Variants in ITGAM observed in about 807,000 individuals in gnomAD.
The protein encoded by ITGAM is integrin subunit alpha M.
In ITGAM, 79 loss-of-function variants were observed where a neutral mutation model predicts 137.5. The observed-to-expected ratio is 0.57, with a 90% CI of 0.48 to 0.69. ITGAM has a LOEUF of 0.69. ITGAM is among the 30% of genes least tolerant of loss of function. The pLI, the probability that ITGAM is intolerant of heterozygous loss-of-function variation, is 0.00. For missense variants in ITGAM, 1,343 were observed against 1,483.5 expected, an observed-to-expected ratio of 0.91 and a Z score of 1.56; for synonymous variants, 583 against 592.3, an observed-to-expected ratio of 0.98 and a Z score of 0.23.
In ITGAM at chr16:31,273,512, C is replaced by G; in HGVS notation, c.852C>G (p.Val284=). Residue 284 remains valine, a synonymous_variant, in exon 8 of 30, where the codon GTC becomes GTG. Transcript: ENST00000544665. ...ACAGAGAGGGAGTCATTCGCTACGT[C>G]ATTGGGGTAGGGAATGCAGCTCTCA... The part of the protein sequence containing the change: ...EADREGVIRY[V]IGVGDAFRSE... 1 of 1,613,576 alleles carries G rather than the reference C, an allele frequency of 6.2e-7. No individual in the cohort carries two copies. The highest frequency in any genetic ancestry group is 8.5e-7 in the Non-Finnish European group (1 of 1,179,628).
At chr16:31,260,573 A>C (rs934132354) in intron 1 of ITGAM, among the ~76,000 whole-genome samples, 1 of 152,240 alleles carries the variant, frequency 6.6e-6, no homozygotes, top group Non-Finnish European at 1.5e-5. Flanking sequence ...AATTCTCCTC[A>C]AAAGGGAAGG....
At position 31,273,647 on chromosome 16, in the gene ITGAM, A is replaced by T. The variant is rs1424074497; in HGVS notation, c.858+129A>T. Reference sequence around the variant, plus strand: ...GCTAATGCTAGCTCATATACACCGTATCAGCTATCTGTTGCCACATCAATG... The same window carrying T: ...GCTAATGCTAGCTCATATACACCGTTTCAGCTATCTGTTGCCACATCAATG... On this transcript the variant is annotated intron_variant, in intron 8 of 29. Coordinates refer to ENST00000544665, the MANE Select transcript of ITGAM (RefSeq NM_000632.4). 3.5e-6 allele frequency: 3 copies of T among 847,912 alleles called. No individual in the cohort carries two copies. The African/African-American group carries it at 5.1e-5, about 14-fold the overall frequency. 52.5% of individuals were successfully genotyped at this position (847,912 alleles called of 1,614,324 possible).
intron 14 of ITGAM, among the ~76,000 whole-genome samples, chr16:31,312,235 T>C (rs2080341166): frequency 6.6e-6 from 1 of 151,696 alleles, no homozygotes; most frequent in Non-Finnish European, 1.5e-5. Context: ...TGTATACATA[T>C]GTAACAAACC....
intron 8 of ITGAM, among the ~76,000 whole-genome samples, chr16:31,275,239 C>T (rs1486263472): frequency 1.3e-5 from 2 of 152,156 alleles, no homozygotes; most frequent in African/African-American, 4.8e-5. Flanking sequence ...CATGCCTTGG[C>T]ACGTAGGACA....
intron 5 of ITGAM, among the ~76,000 whole-genome samples, chr16:31,267,745 T>G (rs2079785622): frequency 6.6e-6 from 1 of 152,114 alleles, no homozygotes; most frequent in African/African-American, 2.4e-5. Flanking sequence ...CTCTGCCTCC[T>G]GTGCTCAAGA....
At position 31,326,927 on chromosome 16, in the gene ITGAM, T is replaced by C. The variant is rs553934657; in HGVS notation, c.2700T>C (p.Asn900=). The change falls in exon 22 of 30, where the codon AAT becomes AAC. Residue 900 remains asparagine (N), a synonymous_variant. Transcript: ENST00000544665. The part of the protein sequence containing the change: ...SLGNKLLLKA[N]VTSENNMPRT... ...GAAACAAACTGCTCCTCAAGGCCAA[T>C]GTGACCAGGTGCTCTCTGCTACCAG... 11 of 1,611,150 alleles carry C rather than the reference T, an allele frequency of 6.8e-6. No homozygotes were observed. The highest frequency in any genetic ancestry group is 9.3e-6 in the Non-Finnish European group (11 of 1,177,298).
chr16:31,270,103 ATCCT>A (rs371263313), intron 5 of ITGAM, among the ~76,000 whole-genome samples: 10,360 of 139,402 alleles, frequency 0.074, 851 homozygotes, highest in Middle Eastern at 0.15. Flanking sequence ...TATCTGGCAA[ATCCT>A]TCCTTCCTTC....
intron 23 of ITGAM, 154 bp from the exon 24 acceptor site, chr16:31,329,074 C>A: frequency 1.0e-4 from 25 of 249,244 alleles, no homozygotes; most frequent in South Asian, 1.6e-4. Context: ...CACATTGGTT[C>A]CCCCATCCCC....
At chr16:31,286,047 T>C (rs1215279121) in intron 12 of ITGAM, among the ~76,000 whole-genome samples, 1 of 152,204 alleles carries the variant, frequency 6.6e-6, no homozygotes, top group East Asian at 1.9e-4. Context: ...CCCATCTTTA[T>C]GTCTATGTAT....
At position 31,324,740 on chromosome 16, in the gene ITGAM, G is replaced by T; in HGVS notation, c.2247G>T (p.Arg749=). The T allele has an allele frequency of 6.3e-7, 1 of 1,589,758 alleles. No homozygotes were observed. The highest frequency in any genetic ancestry group is 8.6e-7 in the Non-Finnish European group (1 of 1,169,100). The change falls in exon 18 of 30, where the codon CGG becomes CGT. Residue 749 remains arginine (R), a synonymous_variant. Transcript: ENST00000544665. The surrounding 1 kb of genome is among the most constrained non-coding windows in gnomAD (Gnocchi z 4.5). Reference sequence around the variant, plus strand: ...CATTGTCTGCTTTCGGGAACCTCCGGCCAGTGCTGGCGGAGGATGCTCAGA... The same window carrying T: ...CATTGTCTGCTTTCGGGAACCTCCGTCCAGTGCTGGCGGAGGATGCTCAGA... ...GTPLSAFGNL[R]PVLAEDAQRL... is the part of the protein sequence containing the mutation.
intron 2 of ITGAM, among the ~76,000 whole-genome samples, chr16:31,264,430 A>G (rs1345600238): frequency 2.0e-5 from 3 of 151,980 alleles, no homozygotes; most frequent in Non-Finnish European, 4.4e-5. Flanking sequence ...AGCCTGGGTG[A>G]TGGAGTGAGA....
At chr16:31,268,672 C>T (rs898514813) in intron 5 of ITGAM, among the ~76,000 whole-genome samples, 8 of 152,200 alleles carry the variant, frequency 5.3e-5, no homozygotes, top group African/African-American at 1.9e-4. Context: ...CTCCCCATTG[C>T]CTACAGATAA....
In ITGAM at chr16:31,324,977, G is replaced by C. The variant is rs1344008003; in HGVS notation, c.2309G>C (p.Cys770Ser). The C allele has an allele frequency of 2.5e-6, 4 of 1,611,902 alleles. No individual in the cohort carries two copies. The highest frequency in any genetic ancestry group is 3.4e-6 in the Non-Finnish European group (4 of 1,179,070). Residue 770 changes from cysteine to serine, a missense_variant, in exon 19 of 30, where the codon TGT (cysteine) becomes TCT (serine). By Grantham distance (112) the Cys-to-Ser change is moderately radical (BLOSUM62 -1). Transcript: ENST00000544665. This position sits in a 1 kb window ranked among gnomAD's most constrained non-coding sequence, Gnocchi z 4.5. ...FTALFPFEKNCGNDNICQDDL... is the reference protein window; with the variant it reads ...FTALFPFEKNSGNDNICQDDL... ...TAAAAGTTTCCCTTTGAGAAGAATTGTGGCAATGACAACATCTGCCAGGAT... is the reference window on the plus strand; with the variant it reads ...TAAAAGTTTCCCTTTGAGAAGAATTCTGGCAATGACAACATCTGCCAGGAT...
intron 2 of ITGAM, among the ~76,000 whole-genome samples, chr16:31,264,739 C>T (rs1184670198): frequency 1.3e-5 from 2 of 152,166 alleles, no homozygotes; most frequent in African/African-American, 4.8e-5. Flanking sequence ...TGGGGTCTGG[C>T]TATGTTACCC....
At chr16:31,287,484 T>C (rs1174273523) in intron 12 of ITGAM, among the ~76,000 whole-genome samples, 1 of 152,238 alleles carries the variant, frequency 6.6e-6, no homozygotes, top group Non-Finnish European at 1.5e-5. Context: ...CAATATTGAT[T>C]CTTCCAATCC....
chr16:31,305,216 A>AAAAGG (rs2080253182), intron 14 of ITGAM, among the ~76,000 whole-genome samples: 2 of 151,922 alleles, frequency 1.3e-5, no homozygotes, highest in Admixed American at 6.6e-5. Context: ...TTATTTTTGT[A>AAAAGG]GCTGTTATAA....
intron 21 of ITGAM, among the ~76,000 whole-genome samples, chr16:31,325,831 C>T (rs1002621687): frequency 3.8e-4 from 58 of 152,042 alleles, no homozygotes; most frequent in African/African-American, 1.4e-3. Context: ...TTTAGGAGGT[C>T]GAGGCAGGAG....
In ITGAM at chr16:31,331,674, T is replaced by C. The variant is rs1381710583; in HGVS notation, c.3426T>C (p.Ser1142=). The C allele has an allele frequency of 2.5e-6, 4 of 1,608,720 alleles. No individual in the cohort carries two copies. The highest frequency in any genetic ancestry group is 1.3e-5 in the African/African-American group (1 of 74,310). ...FFKRQYKDMM[S]EGGPPGAEPQ Reference sequence around the variant, plus strand: ...AGCGGCAATACAAGGACATGATGAGTGAAGGGGGTCCCCCGGGGGCCGAAC... The same window carrying C: ...AGCGGCAATACAAGGACATGATGAGCGAAGGGGGTCCCCCGGGGGCCGAAC... The change falls in exon 30 of 30, where the codon AGT becomes AGC. Residue 1142 remains serine (S), a synonymous_variant. Coordinates refer to ENST00000544665, the MANE Select transcript of ITGAM (RefSeq NM_000632.4).
chr16:31,299,814 TC>T (rs2080178977), intron 14 of ITGAM, among the ~76,000 whole-genome samples: 1 of 95,532 alleles, frequency 1.0e-5, no homozygotes, highest in Non-Finnish European at 2.0e-5. Flanking sequence ...TTCCTCCTCC[TC>T]CCCCTCCTCC....
Sources: allele counts gnomAD v4.1 joint callset (sites outside exome capture counted in the v4.1 genomes callset), GRCh38; gene constraint gnomAD v4.1.1; non-coding constraint Gnocchi (gnomAD v3.1); transcripts MANE v1.5; gene names NCBI Gene and HGNC (gene_info 2026-07-23, HGNC 2026-07-21).